Variants in CD300A observed in about 807,000 individuals in gnomAD.
CD300A encodes the protein CD300a molecule.
A neutral mutation model predicts 33.6 loss-of-function variants in CD300A; 22 were observed. That is an observed-to-expected ratio of 0.66 (90% CI 0.47 to 0.94). The LOEUF is 0.94. CD300A is among the 40% of genes least tolerant of loss of function. The pLI, the probability that CD300A is intolerant of heterozygous loss-of-function variation, is 0.00. For synonymous variants in CD300A, 136 were observed against 148.1 expected (o/e 0.92, Z 0.59); for missense variants, 326 against 360.5 (o/e 0.90, Z 0.77).
chr17:74,468,966 T>C (rs1160635707), intron 1 of CD300A, among the ~76,000 whole-genome samples: 1 of 152,202 alleles, frequency 6.6e-6, no homozygotes, highest in Non-Finnish European at 1.5e-5. Flanking sequence ...ATTATTATTA[T>C]TATCCTTTCA....
Position 74,484,128 on chromosome 17 carries a change from C to T in CD300A, c.*2C>T. ...TACAGTGTGATAAGGAAGACATAGG[C>T]TTTTGTCCTGCCTCGCCATCGGAGC... On this transcript the variant is annotated 3_prime_UTR_variant, in exon 7 of 7. Coordinates refer to ENST00000360141, the MANE Select transcript of CD300A (RefSeq NM_007261.4). 6.2e-7 allele frequency: 1 copy of T among 1,613,436 alleles called. No individual in the cohort carries two copies. Among genetic ancestry groups the T allele is most frequent in the African/African-American group, 1.3e-5 (1 of 75,028 alleles).
rs200143264 is a variant in CD300A at position 74,477,484 on chromosome 17, G to A, written c.582G>A (p.Val194=). Residue 194 remains valine, a synonymous_variant, in exon 4 of 7, where the codon GTG becomes GTA. Coordinates refer to ENST00000360141, the MANE Select transcript of CD300A (RefSeq NM_007261.4). ...TGGCATTGTTGCTGCTTCTGTTGGTGGGGGCCTCCCTGCTAGCCTGGAGGA... is the reference window on the plus strand; with the variant it reads ...TGGCATTGTTGCTGCTTCTGTTGGTAGGGGCCTCCCTGCTAGCCTGGAGGA... ...SLLALLLLLL[V]GASLLAWRMF... is the part of the protein sequence containing the mutation. 1.4e-5 allele frequency: 23 copies of A among 1,613,464 alleles called. No individual in the cohort carries two copies. Among genetic ancestry groups the A allele is most frequent in the Non-Finnish European group, 1.8e-5 (21 of 1,179,864 alleles).
In CD300A at chr17:74,480,469, G is replaced by A. The variant is rs1311467876; in HGVS notation, c.629-820G>A. On this transcript the variant is annotated intron_variant, in intron 4 of 6. Coordinates refer to ENST00000360141, the MANE Select transcript of CD300A (RefSeq NM_007261.4). This position sits in a 1 kb window ranked among gnomAD's most constrained non-coding sequence, Gnocchi z 4.2. ...ATAGAGCAGGTGCCAGCAGCCAAGG[G>A]CTGTGTGAGCCTGAGCTGGCGTCCC... is the stretch of plus-strand genomic sequence containing the variant. Among the ~76,000 whole-genome samples the A allele has an allele frequency of 6.6e-6, 1 of 152,174 alleles. No individual in the cohort carries two copies. Among genetic ancestry groups the A allele is most frequent in the East Asian group, 1.9e-4 (1 of 5,166 alleles).
At chr17:74,483,289 G>A (rs1907034330) in intron 6 of CD300A, among the ~76,000 whole-genome samples, 1 of 152,060 alleles carries the variant, frequency 6.6e-6, no homozygotes, top group African/African-American at 2.4e-5. Context: ...AGAACGAGGG[G>A]TCCTCTGCAG....
chr17:74,481,822 T>C lies in CD300A; in HGVS notation c.763T>C (p.Tyr255His). The change falls in exon 6 of 7, where the codon TAC becomes CAC. Residue 255 changes from tyrosine (Y) to histidine (H), a missense_variant. Tyr to His is a moderately conservative substitution (Grantham distance 83). Coordinates refer to ENST00000360141, the MANE Select transcript of CD300A (RefSeq NM_007261.4). ...ACCACCAAGGGAGGTGGAGGTGGAA[T>C]ACAGCACTGTGGTAAGTGCAGGAGC... is the stretch of plus-strand genomic sequence containing the variant. ...PAPPREVEVE[Y>H]STVASPREEL... 1 of 1,610,566 alleles carries C rather than the reference T, an allele frequency of 6.2e-7. No individual in the cohort carries two copies. Among genetic ancestry groups the C allele is most frequent in the African/African-American group, 1.3e-5 (1 of 74,996 alleles).
intron 6 of CD300A, among the ~76,000 whole-genome samples, chr17:74,482,678 G>GTTCC (rs200839026): frequency 0.02 from 2,635 of 129,532 alleles, 83 homozygotes; most frequent in East Asian, 0.035. Context: ...TCCTGGCCAA[G>GTTCC]TTCCTTCCTT....
At position 74,474,537 on chromosome 17, in the gene CD300A, A is replaced by T; in HGVS notation, c.385A>T (p.Thr129Ser). The change falls in exon 3 of 7, where the codon ACG becomes TCG. Residue 129 changes from threonine (T) to serine (S), a missense_variant. By Grantham distance (58) the Thr-to-Ser change is moderately conservative. Transcript: ENST00000360141. The part of the protein sequence containing the change: ...EVEVSVFPAS[T>S]SMTPASITAA... ...ACTTGTGGTTTTGCCACCAGCATCA[A>T]CGTCAATGACACCTGCAAGTATCAC... 3 of 1,613,984 alleles carry T rather than the reference A, an allele frequency of 1.9e-6. No homozygotes were observed. Among genetic ancestry groups the T allele is most frequent in the Non-Finnish European group, 2.5e-6 (3 of 1,179,906 alleles).
intron 1 of CD300A, among the ~76,000 whole-genome samples, chr17:74,467,700 T>G (rs1398593478): frequency 6.6e-6 from 1 of 152,208 alleles, no homozygotes; most frequent in Non-Finnish European, 1.5e-5. Context: ...TACTTGTCTG[T>G]GGGAAGGTTA....
Position 74,481,278 on chromosome 17 carries a change from C to T in CD300A, c.629-11C>T. On this transcript the variant is annotated splice_polypyrimidine_tract_variant and intron_variant, in intron 4 of 6. Coordinates refer to ENST00000360141, the MANE Select transcript of CD300A (RefSeq NM_007261.4). ...CGGGATTCAACCTCCTTCCTCTCCT[C>T]TTGTCTCTAGCTGGTGACCATTCAG... 1 of 1,613,826 alleles carries T rather than the reference C, an allele frequency of 6.2e-7. No homozygotes were observed. Among genetic ancestry groups the T allele is most frequent in the East Asian group, 2.2e-5 (1 of 44,830 alleles).
intron 1 of CD300A, among the ~76,000 whole-genome samples, chr17:74,467,914 T>C (rs1311849966): frequency 6.6e-6 from 1 of 152,224 alleles, no homozygotes; most frequent in Non-Finnish European, 1.5e-5. Context: ...GTAGTGGTTG[T>C]CCCTGCCTTG....
intron 1 of CD300A, among the ~76,000 whole-genome samples, chr17:74,470,840 G>A (rs1282665674): frequency 6.6e-6 from 1 of 151,790 alleles, no homozygotes; most frequent in Non-Finnish European, 1.5e-5. Context: ...GGTAGAGATG[G>A]GGGTCTCACC....
chr17:74,482,557 G>A (rs1906933202), intron 6 of CD300A, among the ~76,000 whole-genome samples: 1 of 151,322 alleles, frequency 6.6e-6, no homozygotes, highest in African/African-American at 2.5e-5. Flanking sequence ...GAGAAGAGGG[G>A]ATCCAGACCT....
intron 3 of CD300A, among the ~76,000 whole-genome samples, chr17:74,477,136 G>A (rs1471808254): frequency 6.6e-6 from 1 of 152,144 alleles, no homozygotes; most frequent in African/African-American, 2.4e-5. Flanking sequence ...GGAGGCTGAG[G>A]CAGGAGGGTG....
At chr17:74,478,789 C>G (rs6501717) in intron 4 of CD300A, among the ~76,000 whole-genome samples, 4,801 of 152,288 alleles carry the variant, frequency 0.032, 255 homozygotes, top group African/African-American at 0.11. Context: ...GGGCACTGCT[C>G]ACACATATCC....
chr17:74,479,217 G>A (rs993215229), intron 4 of CD300A, among the ~76,000 whole-genome samples: 5 of 151,828 alleles, frequency 3.3e-5, no homozygotes, highest in Non-Finnish European at 7.4e-5. Context: ...CTATGCCTAT[G>A]TAAATGCATC....
upstream of CD300A, chr17:74,466,414 A>G (rs779238579): frequency 7.7e-5 from 36 of 470,524 alleles, no homozygotes; most frequent in Non-Finnish European, 1.2e-4. Context: ...TCAGTCCTGC[A>G]AGCTACGGAG....
At chr17:74,473,485 CT>C (rs1473632140) in intron 1 of CD300A, 50 bp from the exon 2 acceptor site, 2 of 1,561,060 alleles carry the variant, frequency 1.3e-6, no homozygotes, top group African/African-American at 1.4e-5. Context: ...CAGGGCACCC[CT>C]GACCAGGCTC....
At chr17:74,483,260 T>C (rs974012007) in intron 6 of CD300A, among the ~76,000 whole-genome samples, 7 of 152,172 alleles carry the variant, frequency 4.6e-5, no homozygotes, top group Admixed American at 2.0e-4. Flanking sequence ...ACCCCTGTAC[T>C]GGCTTCAACT....
intron 3 of CD300A, among the ~76,000 whole-genome samples, chr17:74,475,814 G>A (rs58606391): frequency 0.037 from 5,587 of 152,164 alleles, 134 homozygotes; most frequent in East Asian, 0.094. Flanking sequence ...TGCAAATTTG[G>A]GGGTTCCCAG....
Sources: gnomAD v4.1 joint callset for allele counts (sites outside exome capture counted in the v4.1 genomes callset) on GRCh38, gnomAD v4.1.1 for gene constraint, Gnocchi (gnomAD v3.1) non-coding constraint, MANE v1.5 for transcripts, NCBI Gene and HGNC (gene_info 2026-07-23, HGNC 2026-07-21) for gene names.